LDLRAD3: variants seen among roughly 807,000 people sequenced by gnomAD.
LDLRAD3 encodes the protein low density lipoprotein receptor class A domain containing 3.
A neutral mutation model predicts 29.4 loss-of-function variants in LDLRAD3; 20 were observed. That is an observed-to-expected ratio of 0.68 (90% CI 0.48 to 0.99). The LOEUF (loss-of-function observed/expected upper bound fraction) is 0.99, where lower values mean the gene tolerates loss of function less well. LDLRAD3 is among the 50% of genes least tolerant of loss of function. The pLI is 0.00. For missense variants in LDLRAD3, 420 were observed against 454.3 expected, an observed-to-expected ratio of 0.92 and a Z score of 0.69; for synonymous variants, 157 against 192.7, an observed-to-expected ratio of 0.81 and a Z score of 1.53.
chr11:36,142,705 C>T (rs1263792962), intron 4 of LDLRAD3, among the ~76,000 whole-genome samples: 1 of 152,168 alleles, frequency 6.6e-6, no homozygotes, highest in Non-Finnish European at 1.5e-5. Context: ...AGGGCACGTG[C>T]CACACCAAAG....
At chr11:35,974,775 C>A (rs1418921425) in intron 1 of LDLRAD3, among the ~76,000 whole-genome samples, 1 of 152,202 alleles carries the variant, frequency 6.6e-6, no homozygotes, top group Non-Finnish European at 1.5e-5. Context: ...TGGTCACCTT[C>A]CATTTATGGA....
chr11:36,075,163 A>G (rs879521159), intron 2 of LDLRAD3, among the ~76,000 whole-genome samples: 6 of 152,122 alleles, frequency 3.9e-5, no homozygotes, highest in African/African-American at 7.2e-5. Flanking sequence ...CTGAGCCTCT[A>G]ATGAGCTGCC....
chr11:36,165,551 A>G (rs1854501301), intron 4 of LDLRAD3, among the ~76,000 whole-genome samples: 1 of 152,136 alleles, frequency 6.6e-6, no homozygotes, highest in Non-Finnish European at 1.5e-5. Context: ...TCATTTTAAA[A>G]AATCATTCTT....
In LDLRAD3 at chr11:36,205,161, C is replaced by T. The variant is rs575108702; in HGVS notation, c.455-21924C>T. The stretch of plus-strand genomic sequence containing the variant: ...TATTCTTAATGGTAACAGAAACCTA[C>T]GAATTTAGGACAGATTAAGGCAACA... On this transcript the variant is annotated intron_variant, in intron 4 of 5. Coordinates refer to ENST00000315571, the MANE Select transcript of LDLRAD3 (RefSeq NM_174902.4). Among the ~76,000 whole-genome samples, 11 of 152,226 alleles carry T rather than the reference C, an allele frequency of 7.2e-5. No homozygotes were observed. In the East Asian group the frequency reaches 1.9e-3, roughly 27 times the overall value.
intron 1 of LDLRAD3, among the ~76,000 whole-genome samples, chr11:35,958,091 C>A (rs1051266715): frequency 1.3e-5 from 2 of 152,196 alleles, no homozygotes; most frequent in Admixed American, 1.3e-4. Flanking sequence ...TACTAAAATA[C>A]TATGCAGACA....
rs774722993 is a variant in LDLRAD3, at chr11:36,133,619, C to T, written c.454+35158C>T. On this transcript the variant is annotated intron_variant, in intron 4 of 5. Transcript: ENST00000315571. ...CTGTGTCTCAGCTCACTGCAAGCTC[C>T]GCCTCCTGGGTTCACGCCATTCTCC... is the stretch of plus-strand genomic sequence containing the variant. Among the ~76,000 whole-genome samples, 25 of 150,164 alleles carry T rather than the reference C, an allele frequency of 1.7e-4. 1 individual carries two copies. Among genetic ancestry groups the T allele is most frequent in the East Asian group, 3.9e-4 (2 of 5,106 alleles).
chr11:36,044,596 G>A (rs1852423472), intron 2 of LDLRAD3, among the ~76,000 whole-genome samples: 1 of 152,170 alleles, frequency 6.6e-6, no homozygotes, highest in Non-Finnish European at 1.5e-5. Context: ...ACCTTCATCT[G>A]CTAGGCCAGT....
chr11:35,998,945 A>C (rs1162837190), intron 1 of LDLRAD3, among the ~76,000 whole-genome samples: 1 of 152,192 alleles, frequency 6.6e-6, no homozygotes, highest in African/African-American at 2.4e-5. Context: ...GCATTTGTTC[A>C]TGTAAGCCCA....
At chr11:35,987,402 C>T (rs1565144482) in intron 1 of LDLRAD3, among the ~76,000 whole-genome samples, 1 of 152,162 alleles carries the variant, frequency 6.6e-6, no homozygotes, top group Non-Finnish European at 1.5e-5. Context: ...CAGCCCTTGC[C>T]CTGCTCCCTT....
intron 1 of LDLRAD3, among the ~76,000 whole-genome samples, chr11:35,977,408 A>C (rs914826580): frequency 1.2e-4 from 19 of 152,338 alleles, no homozygotes; most frequent in African/African-American, 4.3e-4. Context: ...GAGTCTTTTT[A>C]GTAATTAGAA....
intron 4 of LDLRAD3, among the ~76,000 whole-genome samples, chr11:36,155,972 A>T (rs869782): frequency 0.034 from 5,185 of 152,206 alleles, 317 homozygotes; most frequent in African/African-American, 0.12. Flanking sequence ...CTGGGAAATT[A>T]TGTTCTTAGA....
chr11:36,139,865 A>G (rs2133313606), intron 4 of LDLRAD3, among the ~76,000 whole-genome samples: 1 of 152,294 alleles, frequency 6.6e-6, no homozygotes, highest in Middle Eastern at 3.4e-3. Context: ...TTCCCCTGGA[A>G]GGCTTGGCAG....
chr11:36,204,454 G>T (rs1855175981), intron 4 of LDLRAD3, among the ~76,000 whole-genome samples: 1 of 151,498 alleles, frequency 6.6e-6, no homozygotes, highest in Non-Finnish European at 1.5e-5. Flanking sequence ...CTCTTCTTTG[G>T]CATGTTGGGT....
chr11:36,169,428 G>A (rs927088920), intron 4 of LDLRAD3, among the ~76,000 whole-genome samples: 1 of 152,158 alleles, frequency 6.6e-6, no homozygotes, highest in African/African-American at 2.4e-5. Context: ...TAACCAAACT[G>A]TCTTTATCCC....
chr11:36,014,628 G>C (rs1851997531), intron 1 of LDLRAD3, among the ~76,000 whole-genome samples: 1 of 152,162 alleles, frequency 6.6e-6, no homozygotes, highest in Non-Finnish European at 1.5e-5. Flanking sequence ...CCAGGGTTCA[G>C]ACTCCTTCCT....
chr11:36,113,675 T>A (rs1209541560), intron 4 of LDLRAD3, among the ~76,000 whole-genome samples: 1 of 148,460 alleles, frequency 6.7e-6, no homozygotes, highest in East Asian at 2.0e-4. Context: ...AGCATCACTT[T>A]TTTTTTTTTT....
intron 3 of LDLRAD3, among the ~76,000 whole-genome samples, chr11:36,086,501 ATT>A (rs1853198250): frequency 6.6e-6 from 1 of 152,154 alleles, no homozygotes. Context: ...TTGCAATGCT[ATT>A]TGGATGTATC....
intron 1 of LDLRAD3, among the ~76,000 whole-genome samples, chr11:36,035,788 G>C (rs1284958329): frequency 6.6e-6 from 1 of 152,144 alleles, no homozygotes; most frequent in African/African-American, 2.4e-5. Context: ...AACCACTGCT[G>C]ATGGCCAGAA....
At chr11:36,128,056 C>T (rs1853863707) in intron 4 of LDLRAD3, among the ~76,000 whole-genome samples, 1 of 148,572 alleles carries the variant, frequency 6.7e-6, no homozygotes, top group African/African-American at 2.5e-5. Flanking sequence ...TGATCTGAGG[C>T]ATCAGGTGGC....
Sources: gnomAD v4.1 joint callset for allele counts (sites outside exome capture counted in the v4.1 genomes callset) on GRCh38, gnomAD v4.1.1 for gene constraint, MANE v1.5 for transcripts, NCBI Gene and HGNC (gene_info 2026-07-23, HGNC 2026-07-21) for gene names.